The following RGL3 variants were observed in gnomAD, a reference collection of about 807,000 sequenced individuals.
RGL3 encodes the protein ral guanine nucleotide dissociation stimulator like 3, also known as ral guanine nucleotide dissociation stimulator-like 3.
A neutral mutation model predicts 90.6 loss-of-function variants in RGL3; 85 were observed. That is an observed-to-expected ratio of 0.94 (90% CI 0.79 to 1.12). The LOEUF is 1.12. RGL3 is among the 50% of genes most tolerant of loss of function. RGL3 has a pLI of 0.00. For missense variants in RGL3, 1,034 were observed against 939.2 expected (o/e 1.10, Z -1.32); for synonymous variants, 408 against 385.5 (o/e 1.06, Z -0.68).
chr19:11,414,569 G>T (rs931796132), intron 5 of RGL3, among the ~76,000 whole-genome samples: 2 of 126,778 alleles, frequency 1.6e-5, no homozygotes, highest in African/African-American at 6.2e-5. Context: ...TTGTCACCAG[G>T]GATAGAGAAG....
At position 11,397,568 on chromosome 19, in the gene RGL3, G is replaced by T; in HGVS notation, c.1776C>A (p.Pro592=). ...TGCCCAGAGGCAAAGCGAAGGGCCG[G>T]GGGCTGGGCAGGTCCAGGCTCAGGG... ...KLPLSLDLPS[P]RPFALPLGSP... is the part of the protein sequence containing the mutation. Residue 592 remains proline (P), a synonymous_variant, in exon 17 of 19, where the codon CCC becomes CCA. Coordinates refer to ENST00000380456, the MANE Select transcript of RGL3 (RefSeq NM_001035223.4). The T allele has an allele frequency of 6.3e-7, 1 of 1,587,176 alleles. No individual in the cohort carries two copies.
At position 11,405,188 on chromosome 19, in the gene RGL3, C is replaced by G; in HGVS notation, c.1144G>C (p.Asp382His). ...TFRKLSQIFS[D>H]ENNHLSSREI... ...CTGCTGCTGAGGTGGTTGTTCTCATCGGAGAAAATCTGCGAAAGTTTCCTG... is the reference window on the plus strand; with the variant it reads ...CTGCTGCTGAGGTGGTTGTTCTCATGGGAGAAAATCTGCGAAAGTTTCCTG... The change falls in exon 9 of 19, where the codon GAT becomes CAT. Residue 382 changes from aspartate to histidine, a missense_variant. Coordinates refer to ENST00000380456, the MANE Select transcript of RGL3 (RefSeq NM_001035223.4). 2 of 1,614,114 alleles carry G rather than the reference C, an allele frequency of 1.2e-6. No homozygotes were observed. Among genetic ancestry groups the G allele is most frequent in the South Asian group, 1.1e-5 (1 of 91,086 alleles).
Position 11,397,557 on chromosome 19 carries a change from G to T in RGL3, c.1787C>A (p.Ala596Asp). ...SLDLPSPRPF[A>D]LPLGSPRIPL... ...GATTCGAGGGCTGCCCAGAGGCAAA[G>T]CGAAGGGCCGGGGGCTGGGCAGGTC... The change falls in exon 17 of 19, where the codon GCT (alanine) becomes GAT (aspartate). Residue 596 changes from alanine (A) to aspartate (D), a missense_variant. Physicochemically the swap from Ala to Asp is moderately radical, Grantham distance 126. Transcript: ENST00000380456. 1 of 1,599,486 alleles carries T rather than the reference G, an allele frequency of 6.3e-7. No individual in the cohort carries two copies. Among genetic ancestry groups the T allele is most frequent in the South Asian group, 1.1e-5 (1 of 89,870 alleles).
In RGL3 at chr19:11,394,241, C is replaced by A. The variant is rs760906918; in HGVS notation, c.*161G>T. 4.5e-6 allele frequency: 3 copies of A among 663,854 alleles called. No homozygotes were observed. The highest frequency in any genetic ancestry group is 8.3e-6 in the Non-Finnish European group (3 of 362,706). 41.1% of individuals were successfully genotyped at this position (663,854 alleles called of 1,614,324 possible). On this transcript the variant is annotated 3_prime_UTR_variant, in exon 19 of 19. Coordinates refer to ENST00000380456, the MANE Select transcript of RGL3 (RefSeq NM_001035223.4). ...TGTCTTTGGAATATGGATCTAGTAC[C>A]AACAGAGTCAGAAAAAGAGATGGGG...
At position 11,397,532 on chromosome 19, in the gene RGL3, G is replaced by T. The variant is rs1249867597; in HGVS notation, c.1812C>A (p.Ile604=). 1.9e-6 allele frequency: 3 copies of T among 1,612,528 alleles called. No individual in the cohort carries two copies. The South Asian group carries it at 3.3e-5, about 18-fold the overall frequency. ...CCGAGCTCTGCTGCGCCGGGAGGGG[G>T]ATTCGAGGGCTGCCCAGAGGCAAAG... ...PFALPLGSPR[I]PLPAQQSSEA... Residue 604 remains isoleucine, a synonymous_variant, in exon 17 of 19, where the codon ATC becomes ATA. Transcript: ENST00000380456.
chr19:11,416,714 G>A, intron 3 of RGL3, 47 bp from the exon 4 acceptor site: 1 of 1,602,770 alleles, frequency 6.2e-7, no homozygotes, highest in South Asian at 1.1e-5. Flanking sequence ...ACCTAGAGGG[G>A]GCTTAGGAAG....
At chr19:11,406,034 A>G (rs1034993112) in intron 7 of RGL3, among the ~76,000 whole-genome samples, 4 of 151,474 alleles carry the variant, frequency 2.6e-5, no homozygotes, top group African/African-American at 9.7e-5. Context: ...TGATCCCGTG[A>G]CTTGTGACGC....
chr19:11,413,243 A>C (rs994192115), intron 5 of RGL3, among the ~76,000 whole-genome samples: 1 of 150,732 alleles, frequency 6.6e-6, no homozygotes, highest in African/African-American at 2.4e-5. Context: ...AAAAAAAAAA[A>C]AAAAAAAGCG....
In RGL3 at chr19:11,417,051, G is replaced by A. The variant is rs766189337; in HGVS notation, c.156C>T (p.Ser52=). 7.5e-6 allele frequency: 12 copies of A among 1,598,162 alleles called. No homozygotes were observed. Among genetic ancestry groups the A allele is most frequent in the Non-Finnish European group, 1.0e-5 (12 of 1,171,182 alleles). ...AGTGGAGGAAGGTATTGGCAATGGG[G>A]CTGGGAGCCTGCAGGAGGGGAGAGG... is the stretch of plus-strand genomic sequence containing the variant. ...AEGPGGSQAP[S]PIANTFLHYR... Residue 52 remains serine, a synonymous_variant, in exon 3 of 19, where the codon AGC becomes AGT. Coordinates refer to ENST00000380456, the MANE Select transcript of RGL3 (RefSeq NM_001035223.4).
rs1015081824 is a variant in RGL3 at position 11,413,273 on chromosome 19, C to T, written c.637+2664G>A. ...AAAGCGGGCCAGGCATGGTAGCTCA[C>T]GCCTGTAATCCCAGCACTTTGGGAG... On this transcript the variant is annotated intron_variant, in intron 5 of 18. Coordinates refer to ENST00000380456, the MANE Select transcript of RGL3 (RefSeq NM_001035223.4). Among the ~76,000 whole-genome samples the T allele has an allele frequency of 2.0e-5, 3 of 149,388 alleles. 1 individual carries two copies. The highest frequency in any genetic ancestry group is 4.2e-4 in the South Asian group (2 of 4,720).
In RGL3 at chr19:11,396,171, T is replaced by A. The variant is rs1281392527; in HGVS notation, c.2014+1073A>T. ...ATATATATATATATTTTTTTTTTTTTTTTTTTTTTTTTTTTGAGACAGAGT... is the reference window on the plus strand; with the variant it reads ...ATATATATATATATTTTTTTTTTTTATTTTTTTTTTTTTTTGAGACAGAGT... On this transcript the variant is annotated intron_variant, in intron 18 of 18. Coordinates refer to ENST00000380456, the MANE Select transcript of RGL3 (RefSeq NM_001035223.4). Among the ~76,000 whole-genome samples, 500 of 93,004 alleles carry A rather than the reference T, an allele frequency of 5.4e-3. 9 individuals carry two copies. The highest frequency in any genetic ancestry group is 0.02 in the African/African-American group (480 of 24,094). The allele number at this position is 93,004 out of a possible 152,430, so 61.0% of individuals were successfully genotyped here. A position where few individuals can be genotyped will look rare whatever the true frequency, so the allele number is the denominator to read the frequency against.
chr19:11,401,522 A>G (rs1015147406), intron 13 of RGL3, among the ~76,000 whole-genome samples: 3 of 151,244 alleles, frequency 2.0e-5, no homozygotes, highest in Non-Finnish European at 4.4e-5. Context: ...CAGCCTCCCA[A>G]GTAGCTGGGA....
intron 2 of RGL3, among the ~76,000 whole-genome samples, chr19:11,418,269 C>G (rs925653043): frequency 2.2e-5 from 3 of 136,494 alleles, no homozygotes; most frequent in South Asian, 5.5e-4. Flanking sequence ...CCCACACACT[C>G]TTTTCCACCC....
rs150202692 is a variant in RGL3 at position 11,400,292 on chromosome 19, C to T, written c.1490G>A (p.Arg497Gln). 1.5e-5 allele frequency: 24 copies of T among 1,582,200 alleles called. No individual in the cohort carries two copies. In the Admixed American group the frequency reaches 1.8e-4, roughly 12 times the overall value. ...TGGTGGCTCAATGACCCGGGAGAGC[C>T]GGTAGCTGAGGGGTCAATATGTGGA... is the stretch of plus-strand genomic sequence containing the variant. ...QNQLTEEQSY[R>Q]LSRVIEPPAA... Residue 497 changes from arginine to glutamine, a missense_variant, in exon 14 of 19, where the codon CGG becomes CAG. By Grantham distance (43) the Arg-to-Gln change is conservative (BLOSUM62 1). Transcript: ENST00000380456.
At chr19:11,414,497 A>ATATATATATATATATATATACC (rs1226666148) in intron 5 of RGL3, among the ~76,000 whole-genome samples, 2 of 63,612 alleles carry the variant, frequency 3.1e-5, no homozygotes, top group African/African-American at 1.2e-4. Flanking sequence ...CTTCATATAT[A>ATATATATATATATATATATACC]TATATATATA....
chr19:11,413,233 A>C (rs1367340302), intron 5 of RGL3, among the ~76,000 whole-genome samples: 2 of 103,664 alleles, frequency 1.9e-5, no homozygotes, highest in Non-Finnish European at 5.0e-5. Flanking sequence ...TTGAAAAAGA[A>C]AAAAAAAAAA....
At chr19:11,417,083 T>C in intron 2 of RGL3, 24 bp from the exon 3 acceptor site, 1 of 1,559,944 alleles carries the variant, frequency 6.4e-7, no homozygotes, top group Non-Finnish European at 8.7e-7. Flanking sequence ...GAGGTGGCCA[T>C]GAGAGAGCAG....
At position 11,416,922 on chromosome 19, in the gene RGL3, G is replaced by T; in HGVS notation, c.285C>A (p.Ala95=). 2 of 1,614,124 alleles carry T rather than the reference G, an allele frequency of 1.2e-6. No individual in the cohort carries two copies. Among genetic ancestry groups the T allele is most frequent in the Non-Finnish European group, 1.7e-6 (2 of 1,180,018 alleles). Residue 95 remains alanine, a synonymous_variant, in exon 3 of 19, where the codon GCC becomes GCA. Coordinates refer to ENST00000380456, the MANE Select transcript of RGL3 (RefSeq NM_001035223.4). ...CAAAGGTCCGGTAGGTGGCCAGGAA[G>T]GCGGGCATGAAGCTGGGGTCCTGCT... ...DREQDPSFMP[A]FLATYRTFVP...
Position 11,395,689 on chromosome 19 carries a change from G to A in RGL3, c.2015-1169C>T, listed in dbSNP as rs542173367. ...TGTCGCCAGGCTGGAGTGCAGTGGC[G>A]CAATCTTGGCTCACTGCAACCTTCA... On this transcript the variant is annotated intron_variant, in intron 18 of 18. Transcript: ENST00000380456. 2.9e-4 allele frequency among the ~76,000 whole-genome samples: 44 copies of A among 152,054 alleles called. No homozygotes were observed. In the South Asian group the frequency reaches 4.8e-3, roughly 17 times the overall value.
Sources: allele counts gnomAD v4.1 joint callset (sites outside exome capture counted in the v4.1 genomes callset), GRCh38; gene constraint gnomAD v4.1.1; transcripts MANE v1.5; gene names NCBI Gene and HGNC (gene_info 2026-07-23, HGNC 2026-07-21).